ANKFN1: variants seen among roughly 807,000 people sequenced by gnomAD.
The protein encoded by ANKFN1 is ankyrin repeat and fibronectin type-III domain-containing protein 1.
Under a neutral mutation model 108.7 loss-of-function variants are expected in ANKFN1, and 74 were observed. The ratio of observed to expected loss-of-function variants is 0.68; its 90% confidence interval spans 0.56 to 0.83. The LOEUF is 0.83. Ranked by LOEUF, ANKFN1 falls within the 40% of genes least tolerant of loss-of-function variation. The pLI is 0.00. For synonymous variants in ANKFN1, 547 were observed against 516.2 expected (o/e 1.06, Z -0.81); for missense variants, 1,505 against 1,382.3 (o/e 1.09, Z -1.41).
At chr17:56,369,003 C>G (rs2046739265) in intron 6 of ANKFN1, among the ~76,000 whole-genome samples, 1 of 152,198 alleles carries the variant, frequency 6.6e-6, no homozygotes, top group South Asian at 2.1e-4. Flanking sequence ...TTGCTGCATT[C>G]TAATGCATGT....
chr17:56,147,278 G>T (rs534614994), intron 4 of ANKFN1, among the ~76,000 whole-genome samples: 8 of 152,114 alleles, frequency 5.3e-5, no homozygotes, highest in Non-Finnish European at 8.8e-5. Context: ...CTGTTACCCA[G>T]TTCCAAAGTC....
At chr17:56,251,922 C>T (rs891198050) in intron 3 of ANKFN1, among the ~76,000 whole-genome samples, 1 of 152,188 alleles carries the variant, frequency 6.6e-6, no homozygotes, top group African/African-American at 2.4e-5. Flanking sequence ...ATGCTTACTG[C>T]ATGCCTACTC....
At chr17:56,154,219 T>G (rs1205090807) in intron 1 of ANKFN1, among the ~76,000 whole-genome samples, 1 of 152,136 alleles carries the variant, frequency 6.6e-6, no homozygotes, top group East Asian at 1.9e-4. Flanking sequence ...TTGACTTGGT[T>G]AATACTAATC....
chr17:56,158,227 C>A (rs1156605246), intron 1 of ANKFN1, among the ~76,000 whole-genome samples: 4 of 152,180 alleles, frequency 2.6e-5, no homozygotes, highest in African/African-American at 9.7e-5. Flanking sequence ...CTCACATACA[C>A]CCCAGTGGTT....
At chr17:56,167,510 A>G (rs1251215310) in intron 1 of ANKFN1, among the ~76,000 whole-genome samples, 1 of 152,068 alleles carries the variant, frequency 6.6e-6, no homozygotes, top group East Asian at 1.9e-4. Flanking sequence ...TTTGGAGCCC[A>G]ATTAAATCTG....
chr17:56,055,005 T>TG (rs1904842412), intron 4 of ANKFN1, among the ~76,000 whole-genome samples: 1 of 151,866 alleles, frequency 6.6e-6, no homozygotes, highest in Non-Finnish European at 1.5e-5. Context: ...TGATGGCTGC[T>TG]GACTGATCAG....
chr17:56,382,968 A>C (rs2047150570), intron 8 of ANKFN1, among the ~76,000 whole-genome samples: 1 of 152,186 alleles, frequency 6.6e-6, no homozygotes, highest in South Asian at 2.1e-4. Context: ...TCAGCTCTGC[A>C]CCAAGCAGAC....
intron 3 of ANKFN1, among the ~76,000 whole-genome samples, chr17:56,290,618 T>C (rs1318665398): frequency 6.6e-6 from 1 of 152,126 alleles, no homozygotes. Context: ...AACTAAATAT[T>C]TTAAGAGCCC....
chr17:56,498,510 A>G (rs1246988374), intron 19 of ANKFN1, among the ~76,000 whole-genome samples: 2 of 152,168 alleles, frequency 1.3e-5, no homozygotes, highest in Non-Finnish European at 1.5e-5. Flanking sequence ...TCAACTAATC[A>G]TCCCAGCAAC....
At chr17:56,311,286 C>G (rs531222551) in intron 3 of ANKFN1, among the ~76,000 whole-genome samples, 1 of 152,282 alleles carries the variant, frequency 6.6e-6, no homozygotes, top group African/African-American at 2.4e-5. Flanking sequence ...TTGGGCCTTA[C>G]TTTTCTCATC....
chr17:56,189,179 T>TTTTTTTTTTTTTTTTTTTTTTG lies in ANKFN1; in HGVS notation c.-70-23410_-70-23409insTTTTTTTTTTTTGTTTTTTTTT, dbSNP rs1244013476. On this transcript the variant is annotated intron_variant, in intron 1 of 20. Coordinates refer to ENST00000682825, the MANE Select transcript of ANKFN1 (RefSeq NM_001370326.1). ...GTAAATGTTGCCCTGACTTTTTTTT[T>TTTTTTTTTTTTTTTTTTTTTTG]TTTTTTTTTGAGACGGAGTCTCGCT... Among the ~76,000 whole-genome samples the TTTTTTTTTTTTTTTTTTTTTTG allele has an allele frequency of 1.3e-4, 15 of 111,368 alleles. 2 individuals are homozygous for TTTTTTTTTTTTTTTTTTTTTTG. The highest frequency in any genetic ancestry group is 2.9e-4 in the African/African-American group (6 of 20,396). The allele number at this position is 111,368 out of a possible 152,430, so 73.1% of individuals were successfully genotyped here.
intron 1 of ANKFN1, among the ~76,000 whole-genome samples, chr17:56,194,151 G>A (rs1260486263): frequency 6.6e-6 from 1 of 152,176 alleles, no homozygotes; most frequent in African/African-American, 2.4e-5. Flanking sequence ...TGGAGCAATA[G>A]GAACTCTATT....
At chr17:56,311,145 G>A (rs957669225) in intron 3 of ANKFN1, among the ~76,000 whole-genome samples, 2 of 147,728 alleles carry the variant, frequency 1.4e-5, no homozygotes, top group African/African-American at 2.5e-5. Flanking sequence ...TCTCTCTCTC[G>A]CTCACTCTCT....
intron 15 of ANKFN1, among the ~76,000 whole-genome samples, chr17:56,475,802 G>A (rs900356438): frequency 6.6e-6 from 1 of 151,840 alleles, no homozygotes; most frequent in Non-Finnish European, 1.5e-5. Context: ...TTGTTTTTTT[G>A]AAAACCAGGA....
intron 15 of ANKFN1, 112 bp downstream of exon 15, chr17:56,466,683 A>C (rs2050084623): frequency 5.7e-6 from 5 of 872,656 alleles, no homozygotes; most frequent in Non-Finnish European, 8.8e-6. Flanking sequence ...TGGAGTGGAG[A>C]GGGTCCAGAG....
intron 3 of ANKFN1, among the ~76,000 whole-genome samples, chr17:56,324,498 C>T (rs1204311942): frequency 6.6e-6 from 1 of 152,108 alleles, no homozygotes; most frequent in East Asian, 1.9e-4. Flanking sequence ...TGAGGCAACC[C>T]CCTAACCTTA....
intron 8 of ANKFN1, among the ~76,000 whole-genome samples, chr17:56,421,719 C>A (rs2048410377): frequency 6.6e-6 from 1 of 152,210 alleles, no homozygotes; most frequent in Non-Finnish European, 1.5e-5. Flanking sequence ...GCGAACCCTT[C>A]AAAAGTTTGT....
intron 3 of ANKFN1, among the ~76,000 whole-genome samples, chr17:56,290,206 C>T (rs928250453): frequency 6.6e-6 from 1 of 152,158 alleles, no homozygotes; most frequent in African/African-American, 2.4e-5. Flanking sequence ...TCTCTTCATT[C>T]TCTTCAACTC....
At chr17:56,165,649 T>G (rs1053393472) in intron 1 of ANKFN1, among the ~76,000 whole-genome samples, 1 of 152,184 alleles carries the variant, frequency 6.6e-6, no homozygotes, top group African/African-American at 2.4e-5. Flanking sequence ...TGGACTCATT[T>G]TTTTTTTAGT....
Sources: allele counts gnomAD v4.1 joint callset (sites outside exome capture counted in the v4.1 genomes callset), GRCh38; gene constraint gnomAD v4.1.1; transcripts MANE v1.5; gene names NCBI Gene and HGNC (gene_info 2026-07-23, HGNC 2026-07-21).